WDR70: variants seen among roughly 807,000 people sequenced by gnomAD.
WDR70 encodes WD repeat domain 70, also known as WD repeat-containing protein 70.
WDR70 carries 53 observed loss-of-function variants against 88.6 expected under a neutral mutation model. That is an observed-to-expected ratio of 0.60 (90% CI 0.48 to 0.75). The LOEUF (loss-of-function observed/expected upper bound fraction) is 0.75. WDR70 is among the 30% of genes least tolerant of loss of function. The pLI is 0.00. For synonymous variants in WDR70, 280 were observed against 270.0 expected (o/e 1.04, Z -0.36); for missense variants, 610 against 823.2 (o/e 0.74, Z 3.17).
chr5:37,489,793 AT>A (rs112647607), intron 8 of WDR70, among the ~76,000 whole-genome samples: 7,937 of 145,990 alleles, frequency 0.054, 590 homozygotes, highest in African/African-American at 0.17. Flanking sequence ...AGTGTCAGGC[AT>A]TTTTTTTTTT....
intron 13 of WDR70, among the ~76,000 whole-genome samples, chr5:37,710,290 C>G (rs1022746044): frequency 2.6e-5 from 4 of 152,002 alleles, no homozygotes; most frequent in African/African-American, 9.7e-5. Context: ...TAATCACTAT[C>G]AACACAATCA....
intron 10 of WDR70, among the ~76,000 whole-genome samples, chr5:37,693,498 G>T (rs1044369169): frequency 3.9e-5 from 6 of 152,238 alleles, no homozygotes; most frequent in African/African-American, 1.4e-4. Flanking sequence ...GCATGGTACT[G>T]GTACCAAAAC....
chr5:37,566,078 T>A (rs1333440507), intron 9 of WDR70, among the ~76,000 whole-genome samples: 2 of 152,106 alleles, frequency 1.3e-5, no homozygotes, highest in Non-Finnish European at 2.9e-5. Context: ...GTTTCATCTC[T>A]CCAAAATGAA....
rs1739255298 is a variant in WDR70, at chr5:37,469,258, A to G, written c.687-10576A>G. Among the ~76,000 whole-genome samples, 3 of 152,136 alleles carry G rather than the reference A, an allele frequency of 2.0e-5. No homozygotes were observed. The South Asian group carries it at 6.2e-4, about 31-fold the overall frequency. Reference sequence around the variant, plus strand: ...AGGATCTACCCGATAGTAGGGTGGCAGTAGGATCTACCCGAAAAGCATCCT... The same window carrying G: ...AGGATCTACCCGATAGTAGGGTGGCGGTAGGATCTACCCGAAAAGCATCCT... On this transcript the variant is annotated intron_variant, in intron 7 of 17. Transcript: ENST00000265107.
At chr5:37,533,695 A>T (rs1445839607) in intron 9 of WDR70, among the ~76,000 whole-genome samples, 1 of 151,492 alleles carries the variant, frequency 6.6e-6, no homozygotes, top group African/African-American at 2.4e-5. Context: ...GCTGTGGGGG[A>T]TGGGGGTGTG....
chr5:37,464,871 G>C (rs1489705062), intron 7 of WDR70, among the ~76,000 whole-genome samples: 4 of 152,074 alleles, frequency 2.6e-5, no homozygotes, highest in Non-Finnish European at 5.9e-5. Context: ...CAAGACTCTT[G>C]GAAAGAAGAG....
intron 8 of WDR70, among the ~76,000 whole-genome samples, chr5:37,496,073 T>C (rs978197581): frequency 9.2e-5 from 14 of 152,312 alleles, no homozygotes; most frequent in Admixed American, 9.2e-4. Flanking sequence ...CTTTTCTGTC[T>C]AGCTAAAGGA....
At chr5:37,668,505 T>C (rs1745928544) in intron 10 of WDR70, among the ~76,000 whole-genome samples, 1 of 152,246 alleles carries the variant, frequency 6.6e-6, no homozygotes, top group Non-Finnish European at 1.5e-5. Flanking sequence ...CTAAGTGATA[T>C]ACCAACTGGT....
At chr5:37,662,468 A>G (rs1745728129) in intron 10 of WDR70, among the ~76,000 whole-genome samples, 1 of 152,204 alleles carries the variant, frequency 6.6e-6, no homozygotes, top group South Asian at 2.1e-4. Flanking sequence ...CTTAATTAAA[A>G]TGGGTTCAGT....
chr5:37,701,741 G>T (rs1372356121), intron 12 of WDR70, among the ~76,000 whole-genome samples: 3 of 145,430 alleles, frequency 2.1e-5, no homozygotes, highest in Non-Finnish European at 4.5e-5. Flanking sequence ...AGCCAAGATT[G>T]CGCCACTGCA....
chr5:37,593,779 G>A (rs1743611207), intron 9 of WDR70, among the ~76,000 whole-genome samples: 2 of 152,168 alleles, frequency 1.3e-5, no homozygotes, highest in African/African-American at 4.8e-5. Context: ...GTGTAAAAGT[G>A]TTCCCATTTC....
Position 37,391,815 on chromosome 5 carries a change from G to A in WDR70, c.176-185G>A, listed in dbSNP as rs189848093. Among the ~76,000 whole-genome samples the A allele has an allele frequency of 3.9e-3, 599 of 152,268 alleles. 4 individuals are homozygous for A. The highest frequency in any genetic ancestry group is 6.2e-3 in the Non-Finnish European group (424 of 68,010). On this transcript the variant is annotated intron_variant, in intron 3 of 17. Transcript: ENST00000265107. ...TTGCTGGATCACGTGATAATTCTATGTTTAACTTTTTGAGGAACCACCATA... is the reference window on the plus strand; with the variant it reads ...TTGCTGGATCACGTGATAATTCTATATTTAACTTTTTGAGGAACCACCATA...
Position 37,622,682 on chromosome 5 carries a change from A to G in WDR70, c.1092+17444A>G, listed in dbSNP as rs1744544551. ...CGCATGTTCTCACTCATAGGTGGGA[A>G]TTGAACAGTGAGAACACATGGACAC... is the stretch of plus-strand genomic sequence containing the variant. On this transcript the variant is annotated intron_variant, in intron 10 of 17. Transcript: ENST00000265107. 2.6e-5 allele frequency among the ~76,000 whole-genome samples: 4 copies of G among 150,986 alleles called. No individual in the cohort carries two copies. In the South Asian group the frequency reaches 8.6e-4, roughly 32 times the overall value.
At chr5:37,443,833 A>C (rs2112056244) in intron 7 of WDR70, among the ~76,000 whole-genome samples, 1 of 151,718 alleles carries the variant, frequency 6.6e-6, no homozygotes, top group Admixed American at 6.6e-5. Context: ...GCCCAGCAAC[A>C]GAGAGAGACT....
At chr5:37,462,459 C>T (rs879471708) in intron 7 of WDR70, among the ~76,000 whole-genome samples, 4 of 152,210 alleles carry the variant, frequency 2.6e-5, no homozygotes, top group Middle Eastern at 3.4e-3. Flanking sequence ...CCTGCCATGA[C>T]GCCTGGCTAA....
intron 10 of WDR70, among the ~76,000 whole-genome samples, chr5:37,691,372 G>A (rs1490231771): frequency 6.6e-6 from 1 of 152,010 alleles, no homozygotes; most frequent in Admixed American, 6.5e-5. Context: ...TAGTAGACAT[G>A]TACAGAACTC....
At chr5:37,670,595 A>T (rs1225236855) in intron 10 of WDR70, among the ~76,000 whole-genome samples, 1 of 152,232 alleles carries the variant, frequency 6.6e-6, no homozygotes, top group Non-Finnish European at 1.5e-5. Context: ...AGTTGAAGAA[A>T]CAGGCATAGG....
chr5:37,712,190 A>G (rs1438206214), intron 13 of WDR70, among the ~76,000 whole-genome samples: 2 of 152,000 alleles, frequency 1.3e-5, no homozygotes, highest in Non-Finnish European at 2.9e-5. Context: ...ACGGAGTTTC[A>G]CCATGTTGGC....
At chr5:37,514,689 A>G (rs371928857) in intron 8 of WDR70, among the ~76,000 whole-genome samples, 6 of 152,050 alleles carry the variant, frequency 3.9e-5, no homozygotes, top group Admixed American at 2.0e-4. Context: ...TTTTTAAGGG[A>G]TTATACTGAT....
Sources: allele counts gnomAD v4.1 joint callset (sites outside exome capture counted in the v4.1 genomes callset), GRCh38; gene constraint gnomAD v4.1.1; transcripts MANE v1.5; gene names NCBI Gene and HGNC (gene_info 2026-07-23, HGNC 2026-07-21).